Variants in SRP54 observed in about 807,000 individuals in gnomAD.
SRP54 encodes the protein signal recognition particle 54.
In SRP54, 10 loss-of-function variants were observed where a neutral mutation model predicts 64.8. The ratio of observed to expected loss-of-function variants is 0.15; its 90% CI spans 0.10 to 0.26. The LOEUF is 0.26. Ranked by LOEUF, SRP54 falls within the 10% of genes least tolerant of loss-of-function variation. The pLI is 1.00. For missense variants in SRP54, 325 were observed against 613.7 expected (o/e 0.53, Z 4.97); for synonymous variants, 193 against 185.6 (o/e 1.04, Z -0.32).
chr14:34,999,412 A>T (rs1156364059), intron 2 of SRP54, 146 bp from the exon 3 acceptor site: 4 of 524,018 alleles, frequency 7.6e-6, no homozygotes, highest in Non-Finnish European at 1.3e-5. Context: ...TAAACATTTA[A>T]TAAAATTATC....
At chr14:35,016,847 T>C (rs201326281) in intron 11 of SRP54, among the ~76,000 whole-genome samples, 8 of 105,180 alleles carry the variant, frequency 7.6e-5, no homozygotes, top group African/African-American at 1.6e-4. Context: ...TTTCTTTTCT[T>C]TTTTTTTTTT....
intron 14 of SRP54, among the ~76,000 whole-genome samples, chr14:35,027,153 A>T (rs2044644208): frequency 6.6e-6 from 1 of 151,060 alleles, no homozygotes; most frequent in African/African-American, 2.4e-5. Context: ...CAGTCTCCTG[A>T]GTAGCTGGGA....
At chr14:35,027,493 C>T (rs1471819538) in intron 14 of SRP54, among the ~76,000 whole-genome samples, 1 of 152,186 alleles carries the variant, frequency 6.6e-6, no homozygotes, top group Non-Finnish European at 1.5e-5. Flanking sequence ...TACGGTGTCT[C>T]ACACCTGTAA....
chr14:35,023,815 C>CACACACAT, intron 14 of SRP54, among the ~76,000 whole-genome samples: 1 of 150,990 alleles, frequency 6.6e-6, no homozygotes, highest in African/African-American at 2.5e-5. Context: ...CACACACACA[C>CACACACAT]ACACACACTT....
chr14:34,984,371 G>A (rs1566638757), intron 1 of SRP54, among the ~76,000 whole-genome samples: 1 of 152,120 alleles, frequency 6.6e-6, no homozygotes, highest in African/African-American at 2.4e-5. Flanking sequence ...GGTTAACGCC[G>A]TCCTTTTAGT....
rs1432159100 is a variant in SRP54 at position 34,983,043 on chromosome 14, TGAC to T, written c.-201_-199del. The T allele has an allele frequency of 1.3e-5, 2 of 152,338 alleles. No homozygotes were observed. The highest frequency in any genetic ancestry group is 4.8e-5 in the African/African-American group (2 of 41,452). The allele number at this position is 152,338 out of a possible 1,614,324, so 9.4% of individuals were successfully genotyped here. A position where few individuals can be genotyped will look rare whatever the true frequency, so the allele number is the denominator to read the frequency against. On this transcript the variant is annotated 5_prime_UTR_variant, in exon 1 of 16. Transcript: ENST00000216774. Reference sequence around the variant, plus strand: ...CGTTGGTCTTCCAGCTGGTGGGAGTTGACGACGTGGTGCTGGGCGTTGGGACCC... The same window carrying T: ...CGTTGGTCTTCCAGCTGGTGGGAGTTGACGTGGTGCTGGGCGTTGGGACCC...
At chr14:35,028,373 T>C (rs1260819865) in intron 15 of SRP54, among the ~76,000 whole-genome samples, 190 bp downstream of exon 15, 2 of 152,248 alleles carry the variant, frequency 1.3e-5, no homozygotes, top group Non-Finnish European at 2.9e-5. Flanking sequence ...TATTCACTCC[T>C]CTGCTGCCAT....
chr14:34,997,232 A>G (rs895726658), intron 2 of SRP54, among the ~76,000 whole-genome samples: 21 of 151,858 alleles, frequency 1.4e-4, no homozygotes, highest in Non-Finnish European at 2.2e-4. Flanking sequence ...GTCTGTTTTG[A>G]TTCATTTTCT....
chr14:35,005,151 G>A (rs1334829108), intron 4 of SRP54, among the ~76,000 whole-genome samples: 2 of 152,116 alleles, frequency 1.3e-5, no homozygotes, highest in African/African-American at 2.4e-5. Flanking sequence ...GGGCAACATA[G>A]CAATACTCCA....
chr14:34,983,346 G>T (rs374884151), intron 1 of SRP54, 131 bp downstream of exon 1: 1 of 134,562 alleles, frequency 7.4e-6, no homozygotes, highest in Non-Finnish European at 1.7e-5. Flanking sequence ...CCGAGACTGA[G>T]TTTCTGTGGC....
At position 35,013,503 on chromosome 14, in the gene SRP54, C is replaced by G; in HGVS notation, c.785+9C>G. The G allele has an allele frequency of 6.2e-7, 1 of 1,612,960 alleles. No homozygotes were observed. The highest frequency in any genetic ancestry group is 8.5e-7 in the Non-Finnish European group (1 of 1,179,556). On this transcript the variant is annotated intron_variant, in intron 9 of 15. Coordinates refer to ENST00000216774, the MANE Select transcript of SRP54 (RefSeq NM_003136.4). The stretch of plus-strand genomic sequence containing the variant: ...GGTGGTGCACTCAGTGCGTAAGTAT[C>G]ATTGATACTGTTGTCCTCTGTCTTG...
intron 7 of SRP54, 52 bp downstream of exon 7, chr14:35,008,883 G>C: frequency 1.2e-6 from 1 of 847,336 alleles, no homozygotes; most frequent in Non-Finnish European, 1.7e-6. Flanking sequence ...TTGTCTGTCA[G>C]CTTTTTTTTT....
intron 7 of SRP54, 67 bp downstream of exon 7, chr14:35,008,898 T>TC: frequency 7.3e-7 from 1 of 1,372,754 alleles, no homozygotes; most frequent in Non-Finnish European, 9.9e-7. Context: ...TTTTTTTTTT[T>TC]TTTTTTGAGA....
chr14:35,004,510 A>G (rs1303714227), intron 4 of SRP54: 8 of 152,240 alleles, frequency 5.3e-5, no homozygotes, highest in Non-Finnish European at 1.2e-4. Flanking sequence ...CACAGATTTT[A>G]ATGTAACGAG....
intron 11 of SRP54, among the ~76,000 whole-genome samples, chr14:35,018,134 T>C (rs1158416246): frequency 3.9e-5 from 6 of 152,220 alleles, no homozygotes; most frequent in South Asian, 4.1e-4. Flanking sequence ...GTATATCGTT[T>C]TTCTTCCAAT....
At chr14:35,010,964 T>A (rs1468868104) in intron 7 of SRP54, among the ~76,000 whole-genome samples, 1 of 152,196 alleles carries the variant, frequency 6.6e-6, no homozygotes, top group Non-Finnish European at 1.5e-5. Flanking sequence ...CTTGCTCTGT[T>A]GCCCAAGTTG....
In SRP54 at chr14:35,002,546, C is replaced by T. The variant is rs532222660; in HGVS notation, c.255+1526C>T. 1.5e-4 allele frequency among the ~76,000 whole-genome samples: 23 copies of T among 151,900 alleles called. No homozygotes were observed. In the East Asian group the frequency reaches 4.5e-3, roughly 30 times the overall value. The stretch of plus-strand genomic sequence containing the variant: ...CTGCCAGGTTCAAGCAATTCTCCTG[C>T]CTCAGCCTCCCAAGTAGCTGGGATT... On this transcript the variant is annotated intron_variant, in intron 4 of 15. Coordinates refer to ENST00000216774, the MANE Select transcript of SRP54 (RefSeq NM_003136.4).
chr14:35,026,967 C>T (rs1469718172), intron 14 of SRP54, among the ~76,000 whole-genome samples: 1 of 151,490 alleles, frequency 6.6e-6, no homozygotes, highest in African/African-American at 2.4e-5. Context: ...ACAAAAAAAA[C>T]TTCTTAGATA....
At chr14:35,006,267 T>G (rs1360532723) in intron 4 of SRP54, among the ~76,000 whole-genome samples, 1 of 152,246 alleles carries the variant, frequency 6.6e-6, no homozygotes, top group African/African-American at 2.4e-5. Context: ...CAGTAAATAT[T>G]TGGCATTGGA....
Sources: allele counts gnomAD v4.1 joint callset (sites outside exome capture counted in the v4.1 genomes callset), GRCh38; gene constraint gnomAD v4.1.1; transcripts MANE v1.5; gene names NCBI Gene and HGNC (gene_info 2026-07-23, HGNC 2026-07-21).